OPN3: variants seen among roughly 807,000 people sequenced by gnomAD.
The protein encoded by OPN3 is opsin 3.
OPN3 carries 29 observed loss-of-function variants against 33.8 expected under a neutral mutation model. The ratio of observed to expected loss-of-function variants is 0.86; its 90% CI spans 0.64 to 1.17. The LOEUF is 1.17. Ranked by LOEUF, OPN3 falls within the 50% of genes most tolerant of loss-of-function variation. The pLI, the probability that OPN3 is intolerant of heterozygous loss-of-function variation, is 0.00. For synonymous variants in OPN3, 216 were observed against 216.1 expected, an observed-to-expected ratio of 1.00 and a Z score of 0.00; for missense variants, 437 against 514.1, an observed-to-expected ratio of 0.85 and a Z score of 1.45.
At chr1:241,603,600 A>G (rs1663737544) in intron 2 of OPN3, among the ~76,000 whole-genome samples, 1 of 152,234 alleles carries the variant, frequency 6.6e-6, no homozygotes, top group African/African-American at 2.4e-5. Flanking sequence ...CAAATGATTT[A>G]AAGTGATGCA....
chr1:241,635,157 T>A, intron 1 of OPN3: 2 of 1,612,972 alleles, frequency 1.2e-6, no homozygotes, highest in Non-Finnish European at 1.7e-6. Flanking sequence ...TCTTCTACTG[T>A]AGATTTGCTT....
chr1:241,635,210 GT>G, intron 1 of OPN3: 1 of 1,613,256 alleles, frequency 6.2e-7, no homozygotes, highest in Non-Finnish European at 8.5e-7. Context: ...GTGCATACAA[GT>G]TTTATCTCCA....
Position 241,594,701 on chromosome 1 carries a change from G to A in OPN3, c.946-10C>T, listed in dbSNP as rs1050680538. On this transcript the variant is annotated splice_polypyrimidine_tract_variant and intron_variant, in intron 3 of 3. Coordinates refer to ENST00000366554, the MANE Select transcript of OPN3 (RefSeq NM_014322.3). ...AAAGGGATCTTCGAAACTGGGCAGA[G>A]AAAAAATAAAGTGGAATATTAAGTA... 1.2e-6 allele frequency: 2 copies of A among 1,606,054 alleles called. No homozygotes were observed. The highest frequency in any genetic ancestry group is 2.7e-5 in the African/African-American group (2 of 74,374).
chr1:241,602,821 C>T (rs898265197), intron 2 of OPN3, among the ~76,000 whole-genome samples: 2 of 152,024 alleles, frequency 1.3e-5, no homozygotes, highest in African/African-American at 2.4e-5. Flanking sequence ...TTAGAGATTC[C>T]ACGTAGGAAT....
At chr1:241,602,244 A>G (rs1000499225) in intron 2 of OPN3, among the ~76,000 whole-genome samples, 2 of 152,192 alleles carry the variant, frequency 1.3e-5, no homozygotes, top group African/African-American at 4.8e-5. Context: ...GCGCCCTAGA[A>G]TCGATGGCAG....
chr1:241,635,896 T>A, intron 1 of OPN3: 1 of 861,066 alleles, frequency 1.2e-6, no homozygotes, highest in Non-Finnish European at 1.8e-6. Flanking sequence ...CCTAGCTGTT[T>A]AACGGTTACC....
chr1:241,597,521 T>C (rs1663557554), intron 3 of OPN3, among the ~76,000 whole-genome samples: 1 of 152,202 alleles, frequency 6.6e-6, no homozygotes, highest in Non-Finnish European at 1.5e-5. Context: ...ATATTAGTTT[T>C]ACTAGAATTC....
At chr1:241,627,626 A>T (rs1664458175) in intron 1 of OPN3, among the ~76,000 whole-genome samples, 1 of 152,224 alleles carries the variant, frequency 6.6e-6, no homozygotes. Flanking sequence ...TTTCAGGTGA[A>T]TCACTCAGCT....
At chr1:241,616,095 A>G (rs1345545380) in intron 1 of OPN3, among the ~76,000 whole-genome samples, 1 of 152,180 alleles carries the variant, frequency 6.6e-6, no homozygotes, top group Admixed American at 6.5e-5. Context: ...GATGTCCTGC[A>G]AGACCCAGTG....
intron 1 of OPN3, chr1:241,633,738 T>G (rs1453386146): frequency 1.1e-5 from 17 of 1,578,528 alleles, no homozygotes; most frequent in Non-Finnish European, 1.4e-5. Context: ...GTCCTTTAAA[T>G]GAGAAAATTC....
intron 1 of OPN3, among the ~76,000 whole-genome samples, chr1:241,622,187 G>A (rs1302017026): frequency 1.3e-5 from 2 of 152,226 alleles, no homozygotes; most frequent in South Asian, 2.1e-4. Flanking sequence ...ACTACCTCAT[G>A]GAGTTGAGAC....
intron 2 of OPN3, among the ~76,000 whole-genome samples, chr1:241,602,336 A>G (rs1405428232): frequency 6.6e-6 from 1 of 152,202 alleles, no homozygotes; most frequent in Non-Finnish European, 1.5e-5. Flanking sequence ...TGTCCATGGG[A>G]TCACATATCT....
At chr1:241,614,501 GC>G (rs1434308860) in intron 1 of OPN3, among the ~76,000 whole-genome samples, 1 of 152,218 alleles carries the variant, frequency 6.6e-6, no homozygotes, top group Non-Finnish European at 1.5e-5. Flanking sequence ...GCAAATAGTT[GC>G]CATAGTTGTT....
chr1:241,617,651 G>T (rs1474935585), intron 1 of OPN3, among the ~76,000 whole-genome samples: 1 of 152,186 alleles, frequency 6.6e-6, no homozygotes, highest in Non-Finnish European at 1.5e-5. Flanking sequence ...CAGAGGGCGA[G>T]TGCGACTCTT....
chr1:241,604,179 G>T, intron 2 of OPN3, 81 bp downstream of exon 2: 1 of 1,309,716 alleles, frequency 7.6e-7, no homozygotes, highest in Non-Finnish European at 1.1e-6. Context: ...GATGACATAG[G>T]AAGACTTTCA....
In OPN3 at chr1:241,611,826, C is replaced by A. The variant is rs1300794194; in HGVS notation, c.374-7247G>T. ...TTTTGATTTTGCTTTTGGAGGTTTT[C>A]CTTATGGGAAGTTCCCTTGGGCTGC... On this transcript the variant is annotated intron_variant, in intron 1 of 3. Transcript: ENST00000366554. Among the ~76,000 whole-genome samples, 5 of 152,102 alleles carry A rather than the reference C, an allele frequency of 3.3e-5. 1 individual carries two copies. Among genetic ancestry groups the A allele is most frequent in the Admixed American group, 2.0e-4 (3 of 15,270 alleles).
At chr1:241,597,340 C>A (rs970553719) in intron 3 of OPN3, among the ~76,000 whole-genome samples, 2 of 152,110 alleles carry the variant, frequency 1.3e-5, no homozygotes, top group Non-Finnish European at 2.9e-5. Flanking sequence ...TATTCATAAC[C>A]CATAAATAAA....
At chr1:241,639,840 A>G in intron 1 of OPN3, 42 bp downstream of exon 1, 1 of 1,438,718 alleles carries the variant, frequency 7.0e-7, no homozygotes. Flanking sequence ...TGGGGAGTGG[A>G]AGTTTGCAGA....
intron 1 of OPN3, among the ~76,000 whole-genome samples, chr1:241,609,635 T>C (rs1056031959): frequency 6.6e-6 from 1 of 152,224 alleles, no homozygotes; most frequent in Non-Finnish European, 1.5e-5. Flanking sequence ...TATGTGATCA[T>C]ATGTCAAAGT....
Sources: gnomAD v4.1 joint callset for allele counts (sites outside exome capture counted in the v4.1 genomes callset) on GRCh38, gnomAD v4.1.1 for gene constraint, MANE v1.5 for transcripts, NCBI Gene and HGNC (gene_info 2026-07-23, HGNC 2026-07-21) for gene names.